Variants in SNRPA1 observed in about 807,000 individuals in gnomAD.
The protein encoded by SNRPA1 is small nuclear ribonucleoprotein polypeptide A', also known as U2 small nuclear ribonucleoprotein A'.
SNRPA1 carries 5 observed loss-of-function variants against 32.3 expected under a neutral mutation model. The ratio of observed to expected loss-of-function variants is 0.15; its 90% CI spans 0.08 to 0.33. The LOEUF is 0.33. SNRPA1 is among the 10% of genes least tolerant of loss of function. The probability of loss-of-function intolerance (pLI) is 1.00; values close to 1 mark genes in which losing one functional copy is unlikely to be tolerated. For synonymous variants in SNRPA1, 111 were observed against 120.1 expected (o/e 0.92, Z 0.50); for missense variants, 198 against 311.1 (o/e 0.64, Z 2.74).
chr15:101,287,332 C>G (rs960279944), intron 4 of SNRPA1, among the ~76,000 whole-genome samples: 1 of 152,238 alleles, frequency 6.6e-6, no homozygotes, highest in South Asian at 2.1e-4. Context: ...TTTCCCTCCC[C>G]CCTTTCCCCA....
At chr15:101,293,803 G>A (rs974874842) in intron 1 of SNRPA1, among the ~76,000 whole-genome samples, 2 of 152,212 alleles carry the variant, frequency 1.3e-5, no homozygotes, top group African/African-American at 2.4e-5. Context: ...ATATTCCGAA[G>A]AAGCAAGGTC....
At chr15:101,295,042 A>C in intron 1 of SNRPA1, 55 bp downstream of exon 1, 3 of 1,229,774 alleles carry the variant, frequency 2.4e-6, no homozygotes, top group Non-Finnish European at 3.3e-6. Flanking sequence ...AAAGCGCGGA[A>C]AATAAGGCGG....
At chr15:101,292,396 A>G (rs565295217) in intron 2 of SNRPA1, among the ~76,000 whole-genome samples, 236 of 152,322 alleles carry the variant, frequency 1.5e-3, no homozygotes, top group African/African-American at 5.3e-3. Flanking sequence ...CACAACAACT[A>G]TACTATAGGG....
intron 1 of SNRPA1, among the ~76,000 whole-genome samples, chr15:101,294,689 C>G (rs1035152139): frequency 3.3e-5 from 5 of 152,202 alleles, no homozygotes; most frequent in African/African-American, 4.8e-5. Context: ...GAACACATAT[C>G]CTATCTACGC....
chr15:101,287,860 T>C (rs1178896306), intron 3 of SNRPA1, 158 bp from the exon 4 acceptor site: 7 of 637,370 alleles, frequency 1.1e-5, no homozygotes, highest in Non-Finnish European at 2.0e-5. Flanking sequence ...AATGTTTAAA[T>C]AATTTCTACC....
At chr15:101,284,887 A>T (rs1209953653) in intron 8 of SNRPA1, 80 bp downstream of exon 8, 1 of 1,013,396 alleles carries the variant, frequency 9.9e-7, no homozygotes, top group East Asian at 2.4e-5. Context: ...GGCATTCCAG[A>T]GTCATGGCAT....
chr15:101,286,663 T>C, intron 5 of SNRPA1: 2 of 486,100 alleles, frequency 4.1e-6, no homozygotes, highest in Non-Finnish European at 7.3e-6. Flanking sequence ...TTAAGACTGC[T>C]CACCGTGGCC....
Position 101,285,821 on chromosome 15 carries a change from T to C in SNRPA1, c.540-20A>G, listed in dbSNP as rs201314208. On this transcript the variant is annotated intron_variant, in intron 6 of 8. Coordinates refer to ENST00000254193, the MANE Select transcript of SNRPA1 (RefSeq NM_003090.4). ...TTAAAACTTAAGAGGGGGAAGAACA[T>C]AACTGTTAGACCTAGACCAACAGAA... 5.9e-5 allele frequency: 95 copies of C among 1,599,172 alleles called. No individual in the cohort carries two copies. The East Asian group carries it at 2.0e-3, about 33-fold the overall frequency.
intron 1 of SNRPA1, 200 bp downstream of exon 1, chr15:101,294,897 G>A (rs1009810035): frequency 1.4e-5 from 6 of 438,344 alleles, no homozygotes; most frequent in African/African-American, 8.2e-5. Context: ...GGCGCTAACA[G>A]AAGGCTCCCA....
In SNRPA1 at chr15:101,292,053, TAG is replaced by T. The variant is rs770439453; in HGVS notation, c.231-15_231-14del. 1.0e-5 allele frequency: 16 copies of T among 1,577,882 alleles called. No homozygotes were observed. The highest frequency in any genetic ancestry group is 1.3e-5 in the African/African-American group (1 of 74,170). ...CTCACCTATACGGCTAAAATAAAAA[TAG>T]AGTCTTAGTAAAAGTGAAAATTAAA... is the stretch of plus-strand genomic sequence containing the variant. On this transcript the variant is annotated splice_polypyrimidine_tract_variant and intron_variant, in intron 2 of 8. Transcript: ENST00000254193.
intron 8 of SNRPA1, among the ~76,000 whole-genome samples, chr15:101,284,166 T>C (rs1021165456): frequency 2.6e-5 from 4 of 152,220 alleles, no homozygotes; most frequent in Non-Finnish European, 5.9e-5. Context: ...TATCAAAAAC[T>C]CGCTAATGTT....
rs1333889791 is a variant in SNRPA1, at chr15:101,281,790, A to G, written c.710-8T>C. ...CACCATCATCAGTGGGCCCTAAAGA[A>G]AACCACCAAAGCAAAAGTAGTATCA... On this transcript the variant is annotated splice_region_variant and splice_polypyrimidine_tract_variant and intron_variant, in intron 8 of 8. Coordinates refer to ENST00000254193, the MANE Select transcript of SNRPA1 (RefSeq NM_003090.4). 1.2e-6 allele frequency: 2 copies of G among 1,613,876 alleles called. No individual in the cohort carries two copies. Among genetic ancestry groups the G allele is most frequent in the Non-Finnish European group, 8.5e-7 (1 of 1,179,686 alleles).
At chr15:101,295,031 C>A (rs2039572733) in intron 1 of SNRPA1, 66 bp downstream of exon 1, 1 of 1,116,468 alleles carries the variant, frequency 9.0e-7, no homozygotes, top group South Asian at 1.7e-5. Context: ...GTGCACGCGG[C>A]AAAGCGCGGA....
Position 101,286,255 on chromosome 15 carries a change from C to G in SNRPA1, c.498G>C (p.Arg166=). The change falls in exon 6 of 9, where the codon CGG becomes CGC. Residue 166 remains arginine (R), a synonymous_variant. Coordinates refer to ENST00000254193, the MANE Select transcript of SNRPA1 (RefSeq NM_003090.4). ...QEAEKMFKGK[R]GAQLAKDIAR... ...CAATATCCTTTGCAAGCTGTGCACCCCGTTTGCCCTTGAACATTTTCTCTG... is the reference window on the plus strand; with the variant it reads ...CAATATCCTTTGCAAGCTGTGCACCGCGTTTGCCCTTGAACATTTTCTCTG... The G allele has an allele frequency of 6.2e-7, 1 of 1,614,188 alleles. No individual in the cohort carries two copies. The highest frequency in any genetic ancestry group is 8.5e-7 in the Non-Finnish European group (1 of 1,180,034).
Position 101,295,077 on chromosome 15 carries a change from GC to G in SNRPA1, c.82+19del. Reference sequence around the variant, plus strand: ...GCTCGGTGCCGCCTGGGGACTGGCCGCCCACGCCCCCGGACTCACCCCGGAG... The same window carrying G: ...GCTCGGTGCCGCCTGGGGACTGGCCGCCACGCCCCCGGACTCACCCCGGAG... On this transcript the variant is annotated intron_variant, in intron 1 of 8. Transcript: ENST00000254193. 1 of 1,440,538 alleles carries G rather than the reference GC, an allele frequency of 6.9e-7. No individual in the cohort carries two copies. Among genetic ancestry groups the G allele is most frequent in the Non-Finnish European group, 9.2e-7 (1 of 1,084,012 alleles). 89.2% of individuals were successfully genotyped at this position (1,440,538 alleles called of 1,614,324 possible).
intron 3 of SNRPA1, among the ~76,000 whole-genome samples, chr15:101,290,519 C>T (rs370975515): frequency 6.6e-6 from 1 of 151,976 alleles, no homozygotes. Flanking sequence ...ACAGTTCATT[C>T]TCAACAATCA....
At chr15:101,292,180 A>G in intron 2 of SNRPA1, 140 bp from the exon 3 acceptor site, 3 of 632,654 alleles carry the variant, frequency 4.7e-6, no homozygotes, top group Non-Finnish European at 8.2e-6. Flanking sequence ...CAAAGCAAAA[A>G]GAACCCTTTT....
At position 101,286,756 on chromosome 15, in the gene SNRPA1, G is replaced by GA. The variant is rs951396917; in HGVS notation, c.459+151dup. 240 of 570,232 alleles carry GA rather than the reference G, an allele frequency of 4.2e-4. No homozygotes were observed. The African/African-American group carries it at 4.2e-3, about 10-fold the overall frequency. 35.3% of individuals were successfully genotyped at this position (570,232 alleles called of 1,614,324 possible). A position where few individuals can be genotyped will look rare whatever the true frequency, so the allele number is the denominator to read the frequency against. On this transcript the variant is annotated intron_variant, in intron 5 of 8. Transcript: ENST00000254193. ...AGTTCTATCATAAACTCTGCTATTAGAAAAAAATGTGATGTAACATTTTCC... is the reference window on the plus strand; with the variant it reads ...AGTTCTATCATAAACTCTGCTATTAGAAAAAAAATGTGATGTAACATTTTCC...
intron 3 of SNRPA1, chr15:101,289,925 C>CAAAGAAAAAAAAAAAAAAAA (rs2039501193): frequency 1.4e-5 from 1 of 70,024 alleles, no homozygotes. Context: ...CACTCCATCT[C>CAAAGAAAAAAAAAAAAAAAA]AAAAAAAAAA....
Sources: allele counts gnomAD v4.1 joint callset (sites outside exome capture counted in the v4.1 genomes callset), GRCh38; gene constraint gnomAD v4.1.1; transcripts MANE v1.5; gene names NCBI Gene and HGNC (gene_info 2026-07-23, HGNC 2026-07-21).